The following PDS5B variants were observed in gnomAD, a reference collection of about 807,000 sequenced individuals.
The protein encoded by PDS5B is sister chromatid cohesion protein PDS5 homolog B.
PDS5B carries 51 observed loss-of-function variants against 184.1 expected under a neutral mutation model. The ratio of observed to expected loss-of-function variants is 0.28; its 90% CI spans 0.22 to 0.35. The LOEUF is 0.35. Among genes scored for constraint, PDS5B ranks in the 10% least tolerant of loss-of-function variants. The probability of loss-of-function intolerance (pLI) is 1.00; values close to 1 mark genes in which losing one functional copy is unlikely to be tolerated. For missense variants in PDS5B, 1,180 were observed against 1,723.3 expected (o/e 0.68, Z 5.58); for synonymous variants, 566 against 569.2 (o/e 0.99, Z 0.08).
intron 20 of PDS5B, among the ~76,000 whole-genome samples, chr13:32,734,867 G>C (rs1409209885): frequency 6.6e-6 from 1 of 152,064 alleles, no homozygotes; most frequent in Admixed American, 6.6e-5. Context: ...TCATGTATAT[G>C]GTCATAAACT....
intron 1 of PDS5B, among the ~76,000 whole-genome samples, chr13:32,645,879 T>C (rs1425570687): frequency 6.6e-6 from 1 of 152,174 alleles, no homozygotes; most frequent in Non-Finnish European, 1.5e-5. Flanking sequence ...CTGTCCTGAC[T>C]TTTACTGTCA....
chr13:32,679,805 C>T (rs970815810), intron 10 of PDS5B, among the ~76,000 whole-genome samples: 4 of 151,874 alleles, frequency 2.6e-5, no homozygotes, highest in African/African-American at 9.7e-5. Flanking sequence ...GACCTTAGGG[C>T]CATCCATTCT....
At chr13:32,744,239 A>G (rs917165209) in intron 23 of PDS5B, among the ~76,000 whole-genome samples, 3 of 152,202 alleles carry the variant, frequency 2.0e-5, no homozygotes, top group Non-Finnish European at 4.4e-5. Flanking sequence ...TAAGGATTAT[A>G]TGTATTAAAA....
chr13:32,604,591 A>G (rs930170828), intron 1 of PDS5B, among the ~76,000 whole-genome samples: 3 of 152,310 alleles, frequency 2.0e-5, no homozygotes, highest in African/African-American at 7.2e-5. Flanking sequence ...GCCTCATAAA[A>G]TGAGTTAGGG....
intron 1 of PDS5B, among the ~76,000 whole-genome samples, chr13:32,599,219 G>C (rs2057933629): frequency 1.3e-5 from 2 of 152,000 alleles, no homozygotes; most frequent in East Asian, 3.9e-4. Flanking sequence ...TATTGAATTT[G>C]TGAATTGTTT....
At chr13:32,718,030 A>G (rs1593504281) in intron 19 of PDS5B, among the ~76,000 whole-genome samples, 1 of 152,302 alleles carries the variant, frequency 6.6e-6, no homozygotes, top group East Asian at 1.9e-4. Context: ...GGTTAATTTT[A>G]GGAGTATACA....
intron 1 of PDS5B, among the ~76,000 whole-genome samples, chr13:32,625,219 C>T (rs914730382): frequency 7.2e-5 from 11 of 152,034 alleles, no homozygotes; most frequent in African/African-American, 2.7e-4. Flanking sequence ...TGGGCTCAAG[C>T]GATCCTCCCA....
At chr13:32,639,042 C>T (rs1305190552) in intron 1 of PDS5B, among the ~76,000 whole-genome samples, 1 of 145,282 alleles carries the variant, frequency 6.9e-6, no homozygotes, top group African/African-American at 2.6e-5. Context: ...TTATCCACCC[C>T]CCCACCCCCC....
intron 24 of PDS5B, 32 bp from the exon 25 acceptor site, chr13:32,753,300 G>C (rs1211145553): frequency 6.4e-7 from 1 of 1,558,584 alleles, no homozygotes; most frequent in Non-Finnish European, 8.8e-7. Flanking sequence ...GCTGCCATTT[G>C]AATAATATCT....
Position 32,658,502 on chromosome 13 carries a change from G to A in PDS5B, c.468G>A (p.Gln156=). The A allele has an allele frequency of 2.6e-6, 4 of 1,565,542 alleles. No individual in the cohort carries two copies. The highest frequency in any genetic ancestry group is 2.6e-6 in the Non-Finnish European group (3 of 1,142,778). ...AAGATAGCAATGAAATTTTCACCCA[G>A]CTATACAGAACCTTATTTTCAGTTA... ...ELEDSNEIFT[Q]LYRTLFSVIN... is the part of the protein sequence containing the mutation. Residue 156 remains glutamine, a synonymous_variant, in exon 5 of 35, where the codon CAG becomes CAA. Coordinates refer to ENST00000315596, the MANE Select transcript of PDS5B (RefSeq NM_015032.4).
chr13:32,694,182 TTC>T lies in PDS5B; in HGVS notation c.1470-39_1470-38del, dbSNP rs369264550. ...TAGTAATATTCTAGAAAGATTTTTA[TTC>T]TGTTTTGTTATTTAAATGTGTATGT... On this transcript the variant is annotated intron_variant, in intron 13 of 34. Coordinates refer to ENST00000315596, the MANE Select transcript of PDS5B (RefSeq NM_015032.4). 279 of 1,308,624 alleles carry T rather than the reference TTC, an allele frequency of 2.1e-4. No homozygotes were observed. In the African/African-American group the frequency reaches 2.8e-3, roughly 13 times the overall value. 81.1% of individuals were successfully genotyped at this position (1,308,624 alleles called of 1,614,324 possible). A position where few individuals can be genotyped will look rare whatever the true frequency, so the allele number is the denominator to read the frequency against.
intron 1 of PDS5B, among the ~76,000 whole-genome samples, chr13:32,608,159 A>G (rs548370237): frequency 3.2e-4 from 48 of 152,186 alleles, no homozygotes; most frequent in Middle Eastern, 6.8e-3. Flanking sequence ...AGCTGTTCCT[A>G]TTTGGCCATC....
In PDS5B at chr13:32,775,259, G is replaced by A. The variant is rs1954921406; in HGVS notation, c.*207G>A. ...GGTAACATTGACTATGGAGTCTTGT[G>A]AAAGTGTAATGTGCGATGGCTATGT... On this transcript the variant is annotated 3_prime_UTR_variant, in exon 35 of 35. Coordinates refer to ENST00000315596, the MANE Select transcript of PDS5B (RefSeq NM_015032.4). 1.8e-6 allele frequency: 1 copy of A among 569,466 alleles called. No homozygotes were observed. The highest frequency in any genetic ancestry group is 1.9e-5 in the African/African-American group (1 of 53,244). The allele number at this position is 569,466 out of a possible 1,614,324, so 35.3% of individuals were successfully genotyped here. A position where few individuals can be genotyped will look rare whatever the true frequency, so the allele number is the denominator to read the frequency against.
rs1953147106 is a variant in PDS5B at position 32,732,213 on chromosome 13, C to T, written c.2236C>T (p.Gln746Ter). 6.2e-7 allele frequency: 1 copy of T among 1,604,522 alleles called. No individual in the cohort carries two copies. The highest frequency in any genetic ancestry group is 8.5e-7 in the Non-Finnish European group (1 of 1,174,800). ...TTCTAGTAAAGAGACCCAGTTTGCA[C>T]AGATATTTGAGGTAATGAGAAAAAA... ...IFSSKETQFA[Q>*]IFEPLHKSLD... Residue 746 changes from glutamine (Q) to a stop codon, truncating the protein, a stop_gained, in exon 20 of 35, where the codon CAG becomes TAG. Transcript: ENST00000315596. LOFTEE classifies it high-confidence loss of function.
rs9591299 is a variant in PDS5B at position 32,742,684 on chromosome 13, A to G, written c.2569A>G (p.Ile857Val). Residue 857 changes from isoleucine to valine, a missense_variant, in exon 23 of 35, where the codon ATA becomes GTA. Ile to Val is a conservative substitution (Grantham distance 29, BLOSUM62 3). Transcript: ENST00000315596. Reference protein sequence around the residue: ...GTSTLRLLTTILHSDGDLTEQ... With the variant: ...GTSTLRLLTTVLHSDGDLTEQ... The stretch of plus-strand genomic sequence containing the variant: ...TTCTACCTTAAGATTGCTAACAACA[A>G]TATTGCATAGTGATGGAGACTTGAC... The G allele has an allele frequency of 8.4e-5, 135 of 1,612,240 alleles. No homozygotes were observed. In the African/African-American group the frequency reaches 1.6e-3, roughly 19 times the overall value.
intron 17 of PDS5B, among the ~76,000 whole-genome samples, chr13:32,703,815 T>A (rs1043839652): frequency 1.3e-5 from 2 of 152,182 alleles, no homozygotes; most frequent in Non-Finnish European, 2.9e-5. Flanking sequence ...TTAAAAAAAA[T>A]TTTTGTGTTT....
rs1404344387 is a variant in PDS5B, at chr13:32,755,949, G to A, written c.3049G>A (p.Val1017Ile). 1 of 1,474,988 alleles carries A rather than the reference G, an allele frequency of 6.8e-7. No individual in the cohort carries two copies. The highest frequency in any genetic ancestry group is 1.2e-5 in the South Asian group (1 of 81,402). 91.4% of individuals were successfully genotyped at this position (1,474,988 alleles called of 1,614,324 possible). ...KVQDIEQLKD[V>I]KECLWFVLEI... ...ACAGGATATTGAACAACTTAAAGATGTTAAAGAGTAAGACTTTTTCCATCC... is the reference window on the plus strand; with the variant it reads ...ACAGGATATTGAACAACTTAAAGATATTAAAGAGTAAGACTTTTTCCATCC... The change falls in exon 26 of 35, where the codon GTT (valine) becomes ATT (isoleucine). Residue 1017 changes from valine to isoleucine, a missense_variant. This residue lies in a region of PDS5B where 57 missense variants were observed against 80.9 expected (regional missense o/e 0.70). Coordinates refer to ENST00000315596, the MANE Select transcript of PDS5B (RefSeq NM_015032.4).
At chr13:32,620,516 T>C (rs150662525) in intron 1 of PDS5B, among the ~76,000 whole-genome samples, 4 of 152,122 alleles carry the variant, frequency 2.6e-5, no homozygotes, top group African/African-American at 9.6e-5. Context: ...TAGCTGGGTG[T>C]GGTGGCAGGT....
At chr13:32,678,768 G>A (rs895812356) in intron 9 of PDS5B, 67 bp from the exon 10 acceptor site, 27 of 887,160 alleles carry the variant, frequency 3.0e-5, no homozygotes, top group Non-Finnish European at 4.5e-5. Flanking sequence ...TGTAAATTGG[G>A]TACAGATTTA....
Sources: allele counts gnomAD v4.1 joint callset (sites outside exome capture counted in the v4.1 genomes callset), GRCh38; gene constraint gnomAD v4.1.1; regional missense constraint gnomAD v4.1.1; transcripts MANE v1.5; gene names NCBI Gene and HGNC (gene_info 2026-07-23, HGNC 2026-07-21).